Variants in IGF2BP3 observed in about 807,000 individuals in gnomAD.
IGF2BP3 encodes the protein insulin-like growth factor 2 mRNA-binding protein 3.
Under a neutral mutation model 73.8 loss-of-function variants are expected in IGF2BP3, and 9 were observed. That is an observed-to-expected ratio of 0.12 (90% CI 0.07 to 0.21). IGF2BP3 has a LOEUF of 0.21. Ranked by LOEUF, IGF2BP3 falls within the 10% of genes least tolerant of loss-of-function variation. IGF2BP3 has a pLI of 1.00. For missense variants in IGF2BP3, 542 were observed against 714.0 expected (o/e 0.76, Z 2.75); for synonymous variants, 258 against 256.7 (o/e 1.01, Z -0.05).
At chr7:23,395,651 C>G (rs1219623286) in intron 3 of IGF2BP3, among the ~76,000 whole-genome samples, 2 of 151,658 alleles carry the variant, frequency 1.3e-5, no homozygotes, top group African/African-American at 4.8e-5. Context: ...ACAGGCCAGG[C>G]ACAGTGTTTC....
chr7:23,453,072 G>A (rs915242386), intron 2 of IGF2BP3, among the ~76,000 whole-genome samples: 2 of 152,218 alleles, frequency 1.3e-5, no homozygotes, highest in African/African-American at 4.8e-5. Context: ...AGGTTGCAGT[G>A]AGCCGAGATC....
chr7:23,466,584 T>G (rs1788571481), intron 2 of IGF2BP3, among the ~76,000 whole-genome samples: 1 of 152,260 alleles, frequency 6.6e-6, no homozygotes, highest in South Asian at 2.1e-4. Flanking sequence ...ACTGGTGACA[T>G]CTTACCTTAT....
chr7:23,350,682 G>A (rs749504208), intron 6 of IGF2BP3, among the ~76,000 whole-genome samples: 1 of 144,158 alleles, frequency 6.9e-6, no homozygotes, highest in Non-Finnish European at 1.5e-5. Flanking sequence ...CCCTGGCCTT[G>A]GCCCTGGGGC....
intron 3 of IGF2BP3, among the ~76,000 whole-genome samples, chr7:23,386,840 G>A (rs1786097801): frequency 6.6e-6 from 1 of 152,140 alleles, no homozygotes; most frequent in Admixed American, 6.6e-5. Context: ...GCCAAGGCAG[G>A]TGGATCACCT....
chr7:23,340,556 C>T (rs1351220213), intron 10 of IGF2BP3, among the ~76,000 whole-genome samples: 1 of 151,906 alleles, frequency 6.6e-6, no homozygotes, highest in African/African-American at 2.4e-5. Context: ...TGGACATTTC[C>T]CCAAATTGGT....
chr7:23,407,924 T>C (rs1396212361), intron 3 of IGF2BP3, among the ~76,000 whole-genome samples: 2 of 95,370 alleles, frequency 2.1e-5, no homozygotes, highest in South Asian at 8.2e-4. Flanking sequence ...GAATGCAGGG[T>C]TGGTTCAACA....
At chr7:23,445,131 T>A (rs1788030371) in intron 2 of IGF2BP3, among the ~76,000 whole-genome samples, 1 of 152,148 alleles carries the variant, frequency 6.6e-6, no homozygotes, top group African/African-American at 2.4e-5. Flanking sequence ...AAAGCATACA[T>A]TCACAGATGC....
chr7:23,447,583 C>T (rs1788096127), intron 2 of IGF2BP3, among the ~76,000 whole-genome samples: 2 of 151,854 alleles, frequency 1.3e-5, no homozygotes, highest in South Asian at 4.2e-4. Context: ...GAGATCCCAC[C>T]ACTGCAGTCC....
intron 10 of IGF2BP3, among the ~76,000 whole-genome samples, chr7:23,327,332 G>C (rs1784328723): frequency 6.9e-6 from 1 of 145,396 alleles, no homozygotes; most frequent in Non-Finnish European, 1.5e-5. Flanking sequence ...CCAGGCTGGA[G>C]TGCAGTGGCG....
intron 2 of IGF2BP3, among the ~76,000 whole-genome samples, chr7:23,454,794 T>C (rs183014158): frequency 2.3e-4 from 35 of 152,292 alleles, no homozygotes; most frequent in African/African-American, 8.2e-4. Flanking sequence ...TCTATCACAT[T>C]TTTCTCCAAA....
At chr7:23,323,121 A>G (rs1784204116) in intron 10 of IGF2BP3, among the ~76,000 whole-genome samples, 1 of 152,132 alleles carries the variant, frequency 6.6e-6, no homozygotes, top group Non-Finnish European at 1.5e-5. Context: ...AAAGACACAG[A>G]CTGGCAAATT....
intron 3 of IGF2BP3, among the ~76,000 whole-genome samples, chr7:23,417,938 C>T (rs899799966): frequency 6.6e-6 from 1 of 152,168 alleles, no homozygotes; most frequent in African/African-American, 2.4e-5. Context: ...TAAATATTCT[C>T]AGCACAAATC....
chr7:23,319,121 A>T lies in IGF2BP3; in HGVS notation c.1320+17T>A. 2 of 1,486,608 alleles carry T rather than the reference A, an allele frequency of 1.3e-6. No individual in the cohort carries two copies. The highest frequency in any genetic ancestry group is 1.9e-6 in the Non-Finnish European group (2 of 1,077,182). 92.1% of individuals were successfully genotyped at this position (1,486,608 alleles called of 1,614,324 possible). On this transcript the variant is annotated intron_variant, in intron 11 of 14. Transcript: ENST00000258729. ...CTTACTTAAAGAACCAGAGAACCAC[A>T]GCTGGTAGAACAGTACCTTAATTGA...
At chr7:23,379,423 T>C (rs1229245706) in intron 3 of IGF2BP3, among the ~76,000 whole-genome samples, 1 of 152,226 alleles carries the variant, frequency 6.6e-6, no homozygotes, top group African/African-American at 2.4e-5. Flanking sequence ...TCAGATGTGA[T>C]TCCACTTCAT....
At chr7:23,461,201 G>A (rs1334152107) in intron 2 of IGF2BP3, among the ~76,000 whole-genome samples, 1 of 151,982 alleles carries the variant, frequency 6.6e-6, no homozygotes, top group Non-Finnish European at 1.5e-5. Context: ...CCCAGAAACA[G>A]TTTGCCCTGC....
At chr7:23,407,156 A>G (rs1377964650) in intron 3 of IGF2BP3, among the ~76,000 whole-genome samples, 1 of 151,916 alleles carries the variant, frequency 6.6e-6, no homozygotes, top group East Asian at 1.9e-4. Flanking sequence ...AGCTTTATGC[A>G]ACTTGTCCAT....
intron 2 of IGF2BP3, among the ~76,000 whole-genome samples, chr7:23,463,299 C>T (rs1788492378): frequency 6.6e-6 from 1 of 152,208 alleles, no homozygotes; most frequent in African/African-American, 2.4e-5. Flanking sequence ...CACTTTAATA[C>T]AAAATCCCAA....
At chr7:23,337,046 A>G (rs399051) in intron 10 of IGF2BP3, among the ~76,000 whole-genome samples, 8,013 of 152,332 alleles carry the variant, frequency 0.053, 369 homozygotes, top group African/African-American at 0.12. Flanking sequence ...TGTATTTCAA[A>G]AAGTGGTGAC....
intron 2 of IGF2BP3, among the ~76,000 whole-genome samples, chr7:23,443,764 C>A (rs1270002832): frequency 6.6e-6 from 1 of 152,148 alleles, no homozygotes; most frequent in Non-Finnish European, 1.5e-5. Context: ...AATCTCAGCA[C>A]TTTGGGAGGC....
Sources: gnomAD v4.1 joint callset for allele counts (sites outside exome capture counted in the v4.1 genomes callset) on GRCh38, gnomAD v4.1.1 for gene constraint, MANE v1.5 for transcripts, NCBI Gene and HGNC (gene_info 2026-07-23, HGNC 2026-07-21) for gene names.